The following FGD4 variants were observed in gnomAD, a reference collection of about 807,000 sequenced individuals.
FGD4 encodes FYVE, RhoGEF and PH domain containing 4.
A neutral mutation model predicts 102.0 loss-of-function variants in FGD4; 42 were observed. The observed-to-expected ratio is 0.41, with a 90% CI of 0.32 to 0.53. The LOEUF (loss-of-function observed/expected upper bound fraction) is 0.53. Among genes scored for constraint, FGD4 ranks in the 20% least tolerant of loss-of-function variants. The probability of loss-of-function intolerance (pLI) is 0.21; values close to 1 mark genes in which losing one functional copy is unlikely to be tolerated. For missense variants in FGD4, 902 were observed against 1,078.2 expected, an observed-to-expected ratio of 0.84 and a Z score of 2.29; for synonymous variants, 380 against 375.7, an observed-to-expected ratio of 1.01 and a Z score of -0.13.
At chr12:32,620,782 C>T (rs1011810033) in intron 11 of FGD4, among the ~76,000 whole-genome samples, 1 of 148,478 alleles carries the variant, frequency 6.7e-6, no homozygotes, top group Admixed American at 6.8e-5. Context: ...ACTGCAAGCT[C>T]CGCCTCCCGG....
chr12:32,415,734 TTAA>T (rs1165669656), intron 1 of FGD4, among the ~76,000 whole-genome samples: 1 of 152,214 alleles, frequency 6.6e-6, no homozygotes, highest in Non-Finnish European at 1.5e-5. Flanking sequence ...TCTTTAGCTC[TTAA>T]TAATATTTCC....
At chr12:32,404,597 C>A (rs1316618842) in intron 1 of FGD4, among the ~76,000 whole-genome samples, 2 of 152,176 alleles carry the variant, frequency 1.3e-5, no homozygotes, top group African/African-American at 4.8e-5. Flanking sequence ...TCAGTGCTTG[C>A]ATGCCTGTTA....
intron 1 of FGD4, among the ~76,000 whole-genome samples, chr12:32,478,942 A>C (rs1190557744): frequency 6.6e-6 from 1 of 152,198 alleles, no homozygotes; most frequent in Non-Finnish European, 1.5e-5. Flanking sequence ...ATTACCAACC[A>C]TTTCAGCAAC....
At chr12:32,542,157 T>TTTGAAAAGC (rs2136136686) in intron 1 of FGD4, among the ~76,000 whole-genome samples, 1 of 151,366 alleles carries the variant, frequency 6.6e-6, no homozygotes, top group Non-Finnish European at 1.5e-5. Flanking sequence ...AAAATACAGG[T>TTTGAAAAGC]TGAATGAGCA....
chr12:32,605,937 A>G (rs375929199), intron 7 of FGD4, among the ~76,000 whole-genome samples: 74 of 152,330 alleles, frequency 4.9e-4, no homozygotes, highest in African/African-American at 1.7e-3. Context: ...TCTGAATTCT[A>G]TCTGTACAAT....
At chr12:32,585,496 G>A (rs1373585281) in intron 4 of FGD4, among the ~76,000 whole-genome samples, 2 of 151,712 alleles carry the variant, frequency 1.3e-5, no homozygotes, top group African/African-American at 4.8e-5. Flanking sequence ...AGGGGTGAGA[G>A]ACATACACAA....
Position 32,544,192 on chromosome 12 carries a change from G to A in FGD4, c.167-19945G>A, listed in dbSNP as rs1592165387. 1.3e-5 allele frequency among the ~76,000 whole-genome samples: 2 copies of A among 152,234 alleles called. No homozygotes were observed. Among genetic ancestry groups the A allele is most frequent in the African/African-American group, 2.4e-5 (1 of 41,548 alleles). On this transcript the variant is annotated intron_variant, in intron 1 of 16. Coordinates refer to ENST00000534526, the MANE Select transcript of FGD4 (RefSeq NM_001370298.3). The surrounding 1 kb of genome is among the most constrained non-coding windows in gnomAD (Gnocchi z 4.1). The stretch of plus-strand genomic sequence containing the variant: ...TGTAATCCCAGCACTTTGGGAGTCC[G>A]AGATGGGTGGATCTCCTGAGGTCAG...
intron 1 of FGD4, among the ~76,000 whole-genome samples, chr12:32,456,839 G>A (rs1205424640): frequency 2.0e-5 from 3 of 152,140 alleles, no homozygotes; most frequent in Admixed American, 1.3e-4. Context: ...ATAACCTGCC[G>A]TTTTCTTGTT....
intron 1 of FGD4, among the ~76,000 whole-genome samples, chr12:32,518,392 C>T (rs903185633): frequency 6.6e-6 from 1 of 152,240 alleles, no homozygotes; most frequent in Non-Finnish European, 1.5e-5. Context: ...GCAGGACAAT[C>T]GCTTGAACCC....
intron 1 of FGD4, among the ~76,000 whole-genome samples, chr12:32,508,436 A>G (rs1939012570): frequency 6.6e-6 from 1 of 152,242 alleles, no homozygotes; most frequent in Non-Finnish European, 1.5e-5. Flanking sequence ...TTTTTCATCC[A>G]CAGCAAGTAG....
chr12:32,585,222 T>TTATTTATATATATATATATATATATATA (rs960851781), intron 4 of FGD4, among the ~76,000 whole-genome samples: 1 of 116,142 alleles, frequency 8.6e-6, no homozygotes, highest in African/African-American at 3.1e-5. Flanking sequence ...CTCAAAAATT[T>TTATTTATATATATATATATATATATATA]TATATATATA....
intron 1 of FGD4, among the ~76,000 whole-genome samples, chr12:32,434,236 C>T (rs1456547951): frequency 6.6e-6 from 1 of 152,168 alleles, no homozygotes; most frequent in African/African-American, 2.4e-5. Context: ...CCTGTCTGTT[C>T]CTAGCTCTTT....
chr12:32,469,794 G>T (rs1221398133), intron 1 of FGD4, among the ~76,000 whole-genome samples: 1 of 151,880 alleles, frequency 6.6e-6, no homozygotes, highest in Admixed American at 6.6e-5. Context: ...CGAGTAGCTG[G>T]GATTACAGGC....
chr12:32,446,760 C>G (rs1942627380), intron 1 of FGD4, among the ~76,000 whole-genome samples: 1 of 152,158 alleles, frequency 6.6e-6, no homozygotes, highest in African/African-American at 2.4e-5. Flanking sequence ...GACACAATAC[C>G]TTGTTCTACA....
At chr12:32,437,074 ACCCCAGTCTGGGTGACAGAGTGGG>A (rs1942253879) in intron 1 of FGD4, among the ~76,000 whole-genome samples, 1 of 147,426 alleles carries the variant, frequency 6.8e-6, no homozygotes, top group South Asian at 2.2e-4. Flanking sequence ...GCACCACTGC[ACCCCAGTCTGGGTGACAGAGTGGG>A]ACTCCATGTC....
intron 1 of FGD4, among the ~76,000 whole-genome samples, chr12:32,435,083 A>G (rs1942181942): frequency 6.6e-6 from 1 of 151,724 alleles, no homozygotes; most frequent in Non-Finnish European, 1.5e-5. Flanking sequence ...AGCTGGGATT[A>G]CAGGCATGCG....
At chr12:32,542,428 G>T (rs1486550568) in intron 1 of FGD4, among the ~76,000 whole-genome samples, 1 of 152,160 alleles carries the variant, frequency 6.6e-6, no homozygotes, top group Non-Finnish European at 1.5e-5. Flanking sequence ...TTCACCCTTG[G>T]TTACTTGTGA....
At position 32,570,253 on chromosome 12, in the gene FGD4, A is replaced by AAAG. The variant is rs920819099; in HGVS notation, c.319+5966_319+5967insGAA. The stretch of plus-strand genomic sequence containing the variant: ...AAGACGCTGTCTCAAAAAAAAAAAA[A>AAAG]AAAAAAAAAGAAATGCTAAAATTCT... On this transcript the variant is annotated intron_variant, in intron 2 of 16. Coordinates refer to ENST00000534526, the MANE Select transcript of FGD4 (RefSeq NM_001370298.3). Among the ~76,000 whole-genome samples the AAAG allele has an allele frequency of 9.2e-5, 14 of 151,418 alleles. 1 individual carries two copies. Among genetic ancestry groups the AAAG allele is most frequent in the Middle Eastern group, 3.4e-3 (1 of 292 alleles).
chr12:32,633,694 G>T lies in FGD4; in HGVS notation c.2313+5G>T. Reference sequence around the variant, plus strand: ...AAAAGAAAAGGAATTTTAGAGGTAAGAAATATTAAATATTGGATATCTTTT... The same window carrying T: ...AAAAGAAAAGGAATTTTAGAGGTAATAAATATTAAATATTGGATATCTTTT... On this transcript the variant is annotated splice_donor_5th_base_variant and intron_variant, in intron 15 of 16. Coordinates refer to ENST00000534526, the MANE Select transcript of FGD4 (RefSeq NM_001370298.3). 6.3e-7 allele frequency: 1 copy of T among 1,585,536 alleles called. No individual in the cohort carries two copies. Among genetic ancestry groups the T allele is most frequent in the South Asian group, 1.1e-5 (1 of 90,186 alleles).
Sources: gnomAD v4.1 joint callset for allele counts (sites outside exome capture counted in the v4.1 genomes callset) on GRCh38, gnomAD v4.1.1 for gene constraint, Gnocchi (gnomAD v3.1) non-coding constraint, MANE v1.5 for transcripts, NCBI Gene and HGNC (gene_info 2026-07-23, HGNC 2026-07-21) for gene names.